Variants in TMEM132B observed in about 807,000 individuals in gnomAD.
The protein encoded by TMEM132B is transmembrane protein 132B.
Under a neutral mutation model 90.8 loss-of-function variants are expected in TMEM132B, and 18 were observed. The observed-to-expected ratio is 0.20, with a 90% confidence interval of 0.14 to 0.29. TMEM132B has a LOEUF of 0.29. TMEM132B is among the 10% of genes least tolerant of loss of function. The pLI, the probability that TMEM132B is intolerant of heterozygous loss-of-function variation, is 1.00. For synonymous variants in TMEM132B, 504 were observed against 523.3 expected, an observed-to-expected ratio of 0.96 and a Z score of 0.50; for missense variants, 1,096 against 1,326.8, an observed-to-expected ratio of 0.83 and a Z score of 2.70.
intron 3 of TMEM132B, among the ~76,000 whole-genome samples, chr12:125,505,937 G>C (rs1311443319): frequency 6.6e-6 from 1 of 152,190 alleles, no homozygotes; most frequent in Non-Finnish European, 1.5e-5. Flanking sequence ...TATATTTGAA[G>C]AGGTAATGCT....
intron 6 of TMEM132B, among the ~76,000 whole-genome samples, chr12:125,648,752 T>A (rs894730577): frequency 6.6e-6 from 1 of 152,218 alleles, no homozygotes. Flanking sequence ...GGTGTTCTTC[T>A]TAAATTTTAC....
chr12:125,552,176 C>T (rs547774644), intron 4 of TMEM132B, among the ~76,000 whole-genome samples: 16 of 152,224 alleles, frequency 1.1e-4, no homozygotes, highest in African/African-American at 3.1e-4. Context: ...ATAATGATTA[C>T]GTTATTAGAT....
At chr12:125,372,305 G>A (rs1566016230) in intron 2 of TMEM132B, among the ~76,000 whole-genome samples, 1 of 152,230 alleles carries the variant, frequency 6.6e-6, no homozygotes, top group Non-Finnish European at 1.5e-5. Context: ...AGCTCATAAA[G>A]TATCCCTTGA....
intron 4 of TMEM132B, among the ~76,000 whole-genome samples, chr12:125,560,144 G>T (rs1431876839): frequency 6.6e-6 from 1 of 152,180 alleles, no homozygotes; most frequent in Non-Finnish European, 1.5e-5. Flanking sequence ...TGGTCCAGCT[G>T]CAGTCATGTG....
intron 4 of TMEM132B, among the ~76,000 whole-genome samples, chr12:125,523,467 C>G (rs1261555071): frequency 6.6e-6 from 1 of 152,178 alleles, no homozygotes; most frequent in African/African-American, 2.4e-5. Context: ...ATGGGGCCCA[C>G]CGAGATAATT....
intron 1 of TMEM132B, among the ~76,000 whole-genome samples, chr12:125,320,023 A>C (rs922870660): frequency 6.6e-6 from 1 of 152,016 alleles, no homozygotes; most frequent in Non-Finnish European, 1.5e-5. Context: ...CCTAAAAAAA[A>C]AAAAGGGAGC....
chr12:125,299,839 G>A (rs1325804126), intron 1 of TMEM132B, among the ~76,000 whole-genome samples: 1 of 152,204 alleles, frequency 6.6e-6, no homozygotes, highest in Non-Finnish European at 1.5e-5. Context: ...GGACCGGCCT[G>A]CGTCCCCCAC....
At chr12:125,365,989 G>A (rs551038004) in intron 2 of TMEM132B, among the ~76,000 whole-genome samples, 2 of 151,494 alleles carry the variant, frequency 1.3e-5, no homozygotes, top group Non-Finnish European at 1.5e-5. Flanking sequence ...TTTTGTATCC[G>A]TTAATCAACT....
intron 3 of TMEM132B, among the ~76,000 whole-genome samples, chr12:125,438,765 C>A (rs1880775805): frequency 9.2e-6 from 1 of 108,974 alleles, no homozygotes; most frequent in African/African-American, 5.1e-5. Context: ...GGTACCTTTC[C>A]ACAGGCCGTG....
chr12:125,228,136 A>G (rs1593048195), intron 1 of TMEM132B, among the ~76,000 whole-genome samples: 1 of 152,130 alleles, frequency 6.6e-6, no homozygotes, highest in African/African-American at 2.4e-5. Context: ...GGAATCTGCC[A>G]CCTCATTAGC....
chr12:125,653,170 T>A (rs1284136397), intron 8 of TMEM132B, among the ~76,000 whole-genome samples: 1 of 152,244 alleles, frequency 6.6e-6, no homozygotes, highest in African/African-American at 2.4e-5. Flanking sequence ...TTTTGCTCCA[T>A]CACCACTGGC....
intron 3 of TMEM132B, among the ~76,000 whole-genome samples, chr12:125,448,528 A>G (rs967344661): frequency 3.3e-5 from 5 of 152,194 alleles, no homozygotes; most frequent in Non-Finnish European, 7.3e-5. Flanking sequence ...GATGCTGTGT[A>G]TATCAGTATT....
chr12:125,566,835 C>CT lies in TMEM132B; in HGVS notation c.1294-16989dup, dbSNP rs869196346. Among the ~76,000 whole-genome samples the CT allele has an allele frequency of 2.2e-3, 170 of 78,730 alleles. 4 individuals are homozygous for CT. Among genetic ancestry groups the CT allele is most frequent in the South Asian group, 5.7e-3 (12 of 2,120 alleles). The allele number at this position is 78,730 out of a possible 152,430, so 51.6% of individuals were successfully genotyped here. ...CCTCCTTCTTCTTCCTCTTCTTCTT[C>CT]TTTTTTTTTTTTTTTTTTTTTTTTT... is the stretch of plus-strand genomic sequence containing the variant. On this transcript the variant is annotated intron_variant, in intron 4 of 8. Transcript: ENST00000682704.
chr12:125,331,856 C>A (rs1404820784), intron 1 of TMEM132B, among the ~76,000 whole-genome samples: 1 of 152,184 alleles, frequency 6.6e-6, no homozygotes, highest in Non-Finnish European at 1.5e-5. Context: ...CGGGCTCTAA[C>A]GATCCTCCCA....
chr12:125,588,629 C>T (rs1343736085), intron 5 of TMEM132B, among the ~76,000 whole-genome samples: 1 of 152,176 alleles, frequency 6.6e-6, no homozygotes, highest in Non-Finnish European at 1.5e-5. Flanking sequence ...CGCCCCTCTA[C>T]ACCTGGGTTT....
intron 4 of TMEM132B, among the ~76,000 whole-genome samples, chr12:125,547,853 A>G (rs1884129982): frequency 6.6e-6 from 1 of 152,074 alleles, no homozygotes; most frequent in South Asian, 2.1e-4. Context: ...GAAACAGCCA[A>G]CTCTGTGATC....
chr12:125,428,751 T>C (rs987240401), intron 3 of TMEM132B, among the ~76,000 whole-genome samples: 1 of 152,216 alleles, frequency 6.6e-6, no homozygotes, highest in Non-Finnish European at 1.5e-5. Context: ...ACCTTCTGTG[T>C]CTTTTGAAAT....
At chr12:125,505,187 A>AAC (rs1555254114) in intron 3 of TMEM132B, among the ~76,000 whole-genome samples, 6 of 147,350 alleles carry the variant, frequency 4.1e-5, no homozygotes, top group Non-Finnish European at 1.5e-5. Context: ...AAAAAAAAAA[A>AAC]AAAAAAAACA....
intron 1 of TMEM132B, among the ~76,000 whole-genome samples, chr12:125,249,347 C>T (rs868526215): frequency 1.3e-5 from 2 of 152,092 alleles, no homozygotes; most frequent in African/African-American, 2.4e-5. Context: ...GCTGCCGGGT[C>T]GAGAACCACG....
Sources: gnomAD v4.1 joint callset for allele counts (sites outside exome capture counted in the v4.1 genomes callset) on GRCh38, gnomAD v4.1.1 for gene constraint, MANE v1.5 for transcripts, NCBI Gene and HGNC (gene_info 2026-07-23, HGNC 2026-07-21) for gene names.